The following CSMD1 variants were observed in gnomAD, a reference collection of about 807,000 sequenced individuals.
CSMD1 encodes CUB and Sushi multiple domains 1.
A neutral mutation model predicts 417.5 loss-of-function variants in CSMD1; 213 were observed. The ratio of observed to expected loss-of-function variants is 0.51; its 90% CI spans 0.46 to 0.57. The LOEUF (loss-of-function observed/expected upper bound fraction) is 0.57, where lower values mean the gene tolerates loss of function less well. CSMD1 is among the 20% of genes least tolerant of loss of function. CSMD1 has a pLI of 0.00. For missense variants in CSMD1, 6,923 were observed against 4,529.7 expected (o/e 1.53, Z -15.17); for synonymous variants, 2,862 against 1,736.8 (o/e 1.65, Z -16.11).
intron 11 of CSMD1, among the ~76,000 whole-genome samples, chr8:3,481,791 G>T (rs945113664): frequency 6.6e-6 from 1 of 152,164 alleles, no homozygotes; most frequent in Non-Finnish European, 1.5e-5. Context: ...GAAGAAGAAA[G>T]GGATGAATTC....
At chr8:3,706,543 G>A (rs898879559) in intron 7 of CSMD1, among the ~76,000 whole-genome samples, 3 of 152,132 alleles carry the variant, frequency 2.0e-5, no homozygotes, top group African/African-American at 7.2e-5. Flanking sequence ...TACCAAATGA[G>A]TCATTATGCA....
At chr8:4,085,846 G>C (rs1412939784) in intron 3 of CSMD1, among the ~76,000 whole-genome samples, 5 of 152,118 alleles carry the variant, frequency 3.3e-5, no homozygotes, top group Non-Finnish European at 5.9e-5. Flanking sequence ...TGTGTCCCCA[G>C]AGTTTCCCTG....
chr8:3,864,854 G>C (rs1312292278), intron 5 of CSMD1, among the ~76,000 whole-genome samples: 1 of 152,044 alleles, frequency 6.6e-6, no homozygotes, highest in African/African-American at 2.4e-5. Context: ...TCCTAGTTTT[G>C]GCCAGACTAG....
At chr8:3,492,920 T>C (rs1462348758) in intron 11 of CSMD1, among the ~76,000 whole-genome samples, 1 of 151,974 alleles carries the variant, frequency 6.6e-6, no homozygotes, top group East Asian at 1.9e-4. Context: ...GACCTGTATT[T>C]CCCAGACTAG....
chr8:4,101,798 G>C (rs1404125338), intron 3 of CSMD1, among the ~76,000 whole-genome samples: 1 of 150,432 alleles, frequency 6.6e-6, no homozygotes, highest in Non-Finnish European at 1.5e-5. Flanking sequence ...AAGTCTGTGA[G>C]TTCAAAGTGA....
At chr8:4,938,779 G>A (rs1042600225) in intron 1 of CSMD1, among the ~76,000 whole-genome samples, 1 of 152,218 alleles carries the variant, frequency 6.6e-6, no homozygotes, top group African/African-American at 2.4e-5. Context: ...GTCAAGAAGT[G>A]CAGGGGAATG....
chr8:4,136,000 G>A (rs181261163), intron 3 of CSMD1, among the ~76,000 whole-genome samples: 302 of 152,156 alleles, frequency 2.0e-3, no homozygotes, highest in African/African-American at 7.0e-3. Flanking sequence ...ATCACAAATT[G>A]AATTCAATTT....
intron 2 of CSMD1, among the ~76,000 whole-genome samples, chr8:4,584,640 G>C (rs1051950414): frequency 1.3e-5 from 2 of 152,074 alleles, no homozygotes; most frequent in Admixed American, 6.6e-5. Context: ...CCAACAACAT[G>C]TTGGTTGACC....
intron 3 of CSMD1, among the ~76,000 whole-genome samples, chr8:4,410,669 C>G (rs1403760226): frequency 6.6e-6 from 1 of 151,814 alleles, no homozygotes; most frequent in Non-Finnish European, 1.5e-5. Flanking sequence ...GCCCCTGACA[C>G]AAGAGTATAC....
At chr8:4,685,726 C>A (rs535373089) in intron 1 of CSMD1, among the ~76,000 whole-genome samples, 6 of 152,250 alleles carry the variant, frequency 3.9e-5, no homozygotes, top group African/African-American at 1.4e-4. Context: ...AAATTCTGAA[C>A]ATTCTTTTTA....
chr8:2,977,878 C>T (rs1347852750), intron 55 of CSMD1, among the ~76,000 whole-genome samples: 1 of 152,128 alleles, frequency 6.6e-6, no homozygotes, highest in Non-Finnish European at 1.5e-5. Context: ...CAATGAGATA[C>T]CATCTCATGC....
At chr8:3,134,043 T>G (rs140642764) in intron 41 of CSMD1, among the ~76,000 whole-genome samples, 1 of 152,006 alleles carries the variant, frequency 6.6e-6, no homozygotes, top group Non-Finnish European at 1.5e-5. Context: ...CCAAGCATGG[T>G]GGCAGGCACC....
At chr8:4,131,386 C>T (rs1803093480) in intron 3 of CSMD1, among the ~76,000 whole-genome samples, 1 of 152,122 alleles carries the variant, frequency 6.6e-6, no homozygotes. Context: ...TAATCACATC[C>T]CTTAAGCCTT....
chr8:3,193,401 T>C (rs938515677), intron 33 of CSMD1, among the ~76,000 whole-genome samples: 4 of 151,988 alleles, frequency 2.6e-5, no homozygotes, highest in Non-Finnish European at 5.9e-5. Context: ...CTTGAGACAG[T>C]AGGATAGGGA....
chr8:3,323,311 C>T (rs1025024240), intron 23 of CSMD1, among the ~76,000 whole-genome samples: 2 of 152,004 alleles, frequency 1.3e-5, no homozygotes, highest in Non-Finnish European at 2.9e-5. Flanking sequence ...CAATAATCTA[C>T]CCTTCCCCAT....
intron 5 of CSMD1, among the ~76,000 whole-genome samples, chr8:3,957,496 GCC>G (rs1213791632): frequency 6.6e-6 from 1 of 151,650 alleles, no homozygotes; most frequent in East Asian, 1.9e-4. Context: ...GGGCAACATG[GCC>G]GCACTCTTCT....
chr8:4,921,004 A>G (rs1270106613), intron 1 of CSMD1, among the ~76,000 whole-genome samples: 1 of 17,184 alleles, frequency 5.8e-5, no homozygotes. Flanking sequence ...GAAAAGAAAG[A>G]AAGAAAGAAA....
At chr8:3,772,175 T>TATATATAA (rs1798607968) in intron 5 of CSMD1, among the ~76,000 whole-genome samples, 1 of 64,896 alleles carries the variant, frequency 1.5e-5, no homozygotes, top group Admixed American at 2.1e-4. Flanking sequence ...AACATATATA[T>TATATATAA]ATATATATAT....
intron 3 of CSMD1, among the ~76,000 whole-genome samples, chr8:4,129,030 C>G (rs4460396): frequency 1.1e-4 from 16 of 141,150 alleles, no homozygotes; most frequent in Middle Eastern, 4.8e-3. Flanking sequence ...AAGCCGAGAT[C>G]GCGCCACTGC....
Sources: gnomAD v4.1 joint callset for allele counts (sites outside exome capture counted in the v4.1 genomes callset) on GRCh38, gnomAD v4.1.1 for gene constraint, MANE v1.5 for transcripts, NCBI Gene and HGNC (gene_info 2026-07-23, HGNC 2026-07-21) for gene names.